TM2D1: variants seen among roughly 807,000 people sequenced by gnomAD.
The protein encoded by TM2D1 is TM2 domain-containing protein 1.
In TM2D1, 15 loss-of-function variants were observed where a neutral mutation model predicts 28.4. The observed-to-expected ratio is 0.53, with a 90% confidence interval of 0.35 to 0.81. The LOEUF (loss-of-function observed/expected upper bound fraction) is 0.81. Among genes scored for constraint, TM2D1 ranks in the 40% least tolerant of loss-of-function variants. TM2D1 has a pLI of 0.01. For synonymous variants in TM2D1, 93 were observed against 96.2 expected (o/e 0.97, Z 0.20); for missense variants, 236 against 254.9 (o/e 0.93, Z 0.50).
intron 2 of TM2D1, among the ~76,000 whole-genome samples, chr1:61,719,487 GT>G (rs1046315787): frequency 6.6e-6 from 1 of 151,418 alleles, no homozygotes; most frequent in Admixed American, 6.6e-5. Flanking sequence ...AGTTTTGTGG[GT>G]TTTTTTGTTT....
intron 5 of TM2D1, among the ~76,000 whole-genome samples, chr1:61,686,290 G>A (rs1349133387): frequency 1.8e-5 from 2 of 111,908 alleles, no homozygotes; most frequent in Non-Finnish European, 3.5e-5. Flanking sequence ...GGTCACAGAA[G>A]AAACTGTTTT....
At position 61,700,872 on chromosome 1, in the gene TM2D1, A is replaced by T; in HGVS notation, c.439+62T>A. The T allele has an allele frequency of 5.1e-6, 6 of 1,187,510 alleles. No homozygotes were observed. In the South Asian group the frequency reaches 8.1e-5, roughly 16 times the overall value. 73.6% of individuals were successfully genotyped at this position (1,187,510 alleles called of 1,614,324 possible). ...ATACACAGAGATTTAATCCATAAGA[A>T]CACCTACAATGAACTAAAATATAGG... On this transcript the variant is annotated intron_variant, in intron 4 of 6. Transcript: ENST00000606498.
At chr1:61,719,534 C>T (rs536955489) in intron 2 of TM2D1, among the ~76,000 whole-genome samples, 2 of 151,816 alleles carry the variant, frequency 1.3e-5, no homozygotes, top group Admixed American at 6.6e-5. Context: ...CTCTTGTTGC[C>T]CAGGCTAGAG....
At chr1:61,710,503 TACACAC>T (rs4020071) in intron 2 of TM2D1, among the ~76,000 whole-genome samples, 3,003 of 126,636 alleles carry the variant, frequency 0.024, 118 homozygotes, top group African/African-American at 0.08. Flanking sequence ...TATACACACA[TACACAC>T]ACACACACAC....
At chr1:61,710,487 CACACAT>C in intron 2 of TM2D1, among the ~76,000 whole-genome samples, 1 of 90,768 alleles carries the variant, frequency 1.1e-5, no homozygotes, top group Non-Finnish European at 2.1e-5. Flanking sequence ...CACACACACA[CACACAT>C]ATACACACAT....
intron 6 of TM2D1, among the ~76,000 whole-genome samples, chr1:61,681,864 T>C (rs1644245818): frequency 6.6e-6 from 1 of 152,204 alleles, no homozygotes; most frequent in Non-Finnish European, 1.5e-5. Flanking sequence ...GATTCTAGTT[T>C]CAGTTTTGCA....
chr1:61,689,782 G>A (rs1021338219), intron 5 of TM2D1, among the ~76,000 whole-genome samples: 2 of 152,112 alleles, frequency 1.3e-5, no homozygotes, highest in South Asian at 2.1e-4. Flanking sequence ...TCACTAAACC[G>A]ATTTCCACTG....
chr1:61,718,307 G>A (rs921260127), intron 2 of TM2D1, among the ~76,000 whole-genome samples: 4 of 151,704 alleles, frequency 2.6e-5, no homozygotes, highest in Admixed American at 2.6e-4. Flanking sequence ...AAAAAAGAGA[G>A]AGAAAAATAA....
chr1:61,704,437 TTTTG>T (rs1644426540), intron 3 of TM2D1, among the ~76,000 whole-genome samples: 1 of 152,024 alleles, frequency 6.6e-6, no homozygotes, highest in African/African-American at 2.4e-5. Flanking sequence ...TTTTGTTTTG[TTTTG>T]TTTTTTTGAG....
At chr1:61,709,924 T>C (rs1344144424) in intron 2 of TM2D1, among the ~76,000 whole-genome samples, 1 of 152,224 alleles carries the variant, frequency 6.6e-6, no homozygotes, top group Non-Finnish European at 1.5e-5. Flanking sequence ...TATTTGTTTC[T>C]TGATTCCCTC....
At chr1:61,706,845 A>AGAAAGAAAGAAAGAAAGAAAGAAG (rs1644445243) in intron 3 of TM2D1, among the ~76,000 whole-genome samples, 1 of 151,416 alleles carries the variant, frequency 6.6e-6, no homozygotes, top group Non-Finnish European at 1.5e-5. Flanking sequence ...AAAGAAAGAA[A>AGAAAGAAAGAAAGAAAGAAAGAAG]GAAAGAAAGA....
intron 5 of TM2D1, among the ~76,000 whole-genome samples, chr1:61,691,957 A>ATATATATATG (rs1557527403): frequency 1.2e-4 from 16 of 136,180 alleles, no homozygotes; most frequent in Non-Finnish European, 2.5e-4. Flanking sequence ...ATATATATAT[A>ATATATATATG]TATGTATATA....
At chr1:61,700,810 T>A in intron 4 of TM2D1, 124 bp downstream of exon 4, 1 of 676,300 alleles carries the variant, frequency 1.5e-6, no homozygotes, top group Non-Finnish European at 2.5e-6. Context: ...AGAAGAACAT[T>A]AACTACTCAA....
At chr1:61,690,410 T>C (rs1047156417) in intron 5 of TM2D1, among the ~76,000 whole-genome samples, 11 of 131,056 alleles carry the variant, frequency 8.4e-5, no homozygotes, top group African/African-American at 3.2e-4. Context: ...TGAGCCGAGA[T>C]TGCGCCACTG....
intron 5 of TM2D1, among the ~76,000 whole-genome samples, chr1:61,693,014 G>A (rs1206312937): frequency 6.6e-6 from 1 of 152,104 alleles, no homozygotes; most frequent in Non-Finnish European, 1.5e-5. Flanking sequence ...AGGCTGAGGT[G>A]GGCAGATTGC....
At chr1:61,715,035 G>A (rs959716123) in intron 2 of TM2D1, among the ~76,000 whole-genome samples, 4 of 152,182 alleles carry the variant, frequency 2.6e-5, no homozygotes, top group Admixed American at 2.0e-4. Flanking sequence ...AGGTACCATC[G>A]TGACGGGAAA....
intron 2 of TM2D1, among the ~76,000 whole-genome samples, chr1:61,717,098 C>T (rs1644527608): frequency 6.6e-6 from 1 of 152,010 alleles, no homozygotes; most frequent in African/African-American, 2.4e-5. Context: ...CCTGGAATCC[C>T]AGCACTTTGG....
intron 5 of TM2D1, among the ~76,000 whole-genome samples, chr1:61,691,005 G>T (rs1023947022): frequency 6.6e-6 from 1 of 152,082 alleles, no homozygotes; most frequent in African/African-American, 2.4e-5. Flanking sequence ...CTTCCATGAT[G>T]AACAGAATTT....
intron 4 of TM2D1, chr1:61,700,391 A>G (rs1304696262): frequency 2.4e-6 from 3 of 1,231,914 alleles, no homozygotes; most frequent in African/African-American, 3.2e-5. Flanking sequence ...AATAGTTTTC[A>G]TAAGCATTAG....
Sources: allele counts gnomAD v4.1 joint callset (sites outside exome capture counted in the v4.1 genomes callset), GRCh38; gene constraint gnomAD v4.1.1; transcripts MANE v1.5; gene names NCBI Gene and HGNC (gene_info 2026-07-23, HGNC 2026-07-21).